ANKRD13A: variants seen among roughly 807,000 people sequenced by gnomAD.
The protein encoded by ANKRD13A is ankyrin repeat domain-containing protein 13A.
A neutral mutation model predicts 81.3 loss-of-function variants in ANKRD13A; 48 were observed. That is an observed-to-expected ratio of 0.59 (90% CI 0.47 to 0.75). The LOEUF (loss-of-function observed/expected upper bound fraction) is 0.75, where lower values mean the gene tolerates loss of function less well. ANKRD13A is among the 30% of genes least tolerant of loss of function. The probability of loss-of-function intolerance (pLI) is 0.00; values close to 1 mark genes in which losing one functional copy is unlikely to be tolerated. For missense variants in ANKRD13A, 612 were observed against 734.0 expected (o/e 0.83, Z 1.92); for synonymous variants, 230 against 270.1 (o/e 0.85, Z 1.45).
intron 10 of ANKRD13A, 97 bp downstream of exon 10, chr12:110,028,739 C>A: frequency 6.6e-7 from 1 of 1,520,372 alleles, no homozygotes; most frequent in Non-Finnish European, 9.0e-7. Context: ...CCCTCCCCAC[C>A]ACCCTTATTT....
rs1892065541 is a variant in ANKRD13A, at chr12:110,036,612, C to T, written c.1577+284C>T. On this transcript the variant is annotated intron_variant, in intron 14 of 14. Coordinates refer to ENST00000261739, the MANE Select transcript of ANKRD13A (RefSeq NM_033121.2). The surrounding 1 kb of genome is among the most constrained non-coding windows in gnomAD (Gnocchi z 4.6). Reference sequence around the variant, plus strand: ...AAAAAAATACAAAAAATTAGCCGGGCATGGTGCCAGGCACCTGTAGTCTCA... The same window carrying T: ...AAAAAAATACAAAAAATTAGCCGGGTATGGTGCCAGGCACCTGTAGTCTCA... Among the ~76,000 whole-genome samples the T allele has an allele frequency of 2.6e-5, 4 of 152,174 alleles. No individual in the cohort carries two copies. The highest frequency in any genetic ancestry group is 5.9e-5 in the Non-Finnish European group (4 of 68,020).
chr12:110,030,127 C>T (rs570414825), intron 11 of ANKRD13A, among the ~76,000 whole-genome samples: 7 of 151,934 alleles, frequency 4.6e-5, no homozygotes, highest in Non-Finnish European at 1.0e-4. Flanking sequence ...CTGGCTTGAT[C>T]ACTTACTCAC....
At position 110,028,712 on chromosome 12, in the gene ANKRD13A, G is replaced by A. The variant is rs996430951; in HGVS notation, c.1076+70G>A. 3.1e-6 allele frequency: 5 copies of A among 1,595,496 alleles called. No homozygotes were observed. The African/African-American group carries it at 4.0e-5, about 13-fold the overall frequency. On this transcript the variant is annotated intron_variant, in intron 10 of 14. Transcript: ENST00000261739. Reference sequence around the variant, plus strand: ...AAATTGTGCTGTTTTATGGTGTTATGTTGGATCATTCCACTGCCCTCCCCA... The same window carrying A: ...AAATTGTGCTGTTTTATGGTGTTATATTGGATCATTCCACTGCCCTCCCCA...
rs1341173943 is a variant in ANKRD13A, at chr12:110,038,105, C to T, written c.*551C>T. ...TATTCTTCCTCCATCTATCTGATTC[C>T]ATTCCTTCCACACCCAGCTAAAGTT... On this transcript the variant is annotated 3_prime_UTR_variant, in exon 15 of 15. Coordinates refer to ENST00000261739, the MANE Select transcript of ANKRD13A (RefSeq NM_033121.2). 6.6e-6 allele frequency: 1 copy of T among 152,638 alleles called. No individual in the cohort carries two copies. Among genetic ancestry groups the T allele is most frequent in the Non-Finnish European group, 1.5e-5 (1 of 68,118 alleles). 9.5% of individuals were successfully genotyped at this position (152,638 alleles called of 1,614,324 possible). A position where few individuals can be genotyped will look rare whatever the true frequency, so the allele number is the denominator to read the frequency against.
chr12:110,019,411 G>A (rs1243183723), intron 6 of ANKRD13A, 83 bp downstream of exon 6: 16 of 1,307,658 alleles, frequency 1.2e-5, no homozygotes, highest in Admixed American at 8.2e-5. Context: ...TGTAAATTAT[G>A]GATGGATTGG....
At chr12:110,031,679 C>T (rs1461157404) in intron 12 of ANKRD13A, among the ~76,000 whole-genome samples, 1 of 152,126 alleles carries the variant, frequency 6.6e-6, no homozygotes, top group East Asian at 1.9e-4. Flanking sequence ...TAACCACCAC[C>T]ATAGTCAAGG....
chr12:110,030,743 A>C lies in ANKRD13A; in HGVS notation c.1333A>C (p.Thr445Pro). 1.9e-6 allele frequency: 3 copies of C among 1,593,396 alleles called. No individual in the cohort carries two copies. In the South Asian group the frequency reaches 3.5e-5, roughly 18 times the overall value. Reference protein sequence around the residue: ...EESVSQNVEGTQADSASHITN... With the variant: ...EESVSQNVEGPQADSASHITN... ...ATCTGTATCTCAAAATGTGGAAGGG[A>C]CCCAGGCTGATTCAGGTAAAAAAAT... Residue 445 changes from threonine (T) to proline (P), a missense_variant, in exon 12 of 15, where the codon ACC becomes CCC. By Grantham distance (38) the Thr-to-Pro change is conservative. Coordinates refer to ENST00000261739, the MANE Select transcript of ANKRD13A (RefSeq NM_033121.2).
At chr12:110,027,665 A>G in intron 8 of ANKRD13A, 40 bp from the exon 9 acceptor site, 3 of 1,585,552 alleles carry the variant, frequency 1.9e-6, no homozygotes, top group Non-Finnish European at 2.6e-6. Flanking sequence ...GCCACAAGTG[A>G]GATATAATAT....
At chr12:110,001,100 T>C (rs1445429297) in intron 1 of ANKRD13A, among the ~76,000 whole-genome samples, 1 of 151,586 alleles carries the variant, frequency 6.6e-6, no homozygotes, top group African/African-American at 2.4e-5. Flanking sequence ...CTGGGAGGTA[T>C]TGGTGCCCTC....
At chr12:110,029,720 G>A (rs770837475) in intron 11 of ANKRD13A, 85 bp downstream of exon 11, 124 of 1,496,556 alleles carry the variant, frequency 8.3e-5, no homozygotes, top group Non-Finnish European at 1.1e-4. Flanking sequence ...ATGCTTCAGG[G>A]AATTGGAGTG....
intron 10 of ANKRD13A, chr12:110,028,868 G>A: frequency 2.4e-6 from 1 of 423,418 alleles, no homozygotes. Flanking sequence ...CTCCTGAGTA[G>A]CTGGGACTAC....
Position 109,999,679 on chromosome 12 carries a change from C to G in ANKRD13A, c.-10C>G, listed in dbSNP as rs1216718802. 2 of 1,529,532 alleles carry G rather than the reference C, an allele frequency of 1.3e-6. No homozygotes were observed. Among genetic ancestry groups the G allele is most frequent in the Non-Finnish European group, 1.8e-6 (2 of 1,137,342 alleles). 94.7% of individuals were successfully genotyped at this position (1,529,532 alleles called of 1,614,324 possible). ...GCGGGCGACGAGGACCAGGTTACGG[C>G]CTCCTCGCCATGTCCTCGGCCTGCG... On this transcript the variant is annotated 5_prime_UTR_variant, in exon 1 of 15. Transcript: ENST00000261739. The surrounding 1 kb of genome is among the most constrained non-coding windows in gnomAD (Gnocchi z 4.3).
intron 7 of ANKRD13A, among the ~76,000 whole-genome samples, chr12:110,024,407 A>AT (rs1891217118): frequency 6.6e-6 from 1 of 151,720 alleles, no homozygotes; most frequent in Non-Finnish European, 1.5e-5. Context: ...TCCCTTAATT[A>AT]TTTAAAAAAA....
chr12:110,008,443 A>G (rs905958644), intron 1 of ANKRD13A, among the ~76,000 whole-genome samples: 4 of 152,202 alleles, frequency 2.6e-5, no homozygotes, highest in African/African-American at 9.7e-5. Context: ...CATAAGAGAT[A>G]TTAGTGTGTG....
At chr12:110,019,538 A>T (rs1246339145) in intron 6 of ANKRD13A, among the ~76,000 whole-genome samples, 1 of 152,136 alleles carries the variant, frequency 6.6e-6, no homozygotes, top group Non-Finnish European at 1.5e-5. Flanking sequence ...GTCTTAGAAG[A>T]CTTAACCAAC....
chr12:110,000,974 C>T (rs1889937717), intron 1 of ANKRD13A, among the ~76,000 whole-genome samples: 1 of 151,748 alleles, frequency 6.6e-6, no homozygotes, highest in African/African-American at 2.4e-5. Flanking sequence ...TCAGGCTGGT[C>T]TCAAACTCCC....
chr12:110,036,446 G>T lies in ANKRD13A; in HGVS notation c.1577+118G>T. The T allele has an allele frequency of 9.0e-7, 1 of 1,115,450 alleles. No individual in the cohort carries two copies. The highest frequency in any genetic ancestry group is 1.4e-6 in the Non-Finnish European group (1 of 734,676). The allele number at this position is 1,115,450 out of a possible 1,614,324, so 69.1% of individuals were successfully genotyped here. A position where few individuals can be genotyped will look rare whatever the true frequency, so the allele number is the denominator to read the frequency against. On this transcript the variant is annotated intron_variant, in intron 14 of 14. Transcript: ENST00000261739. This position sits in a 1 kb window ranked among gnomAD's most constrained non-coding sequence, Gnocchi z 4.6. ...GGCAGATGTACGGTGCCACAAACTG[G>T]CAGGAAAGACTAGAAAAAGTAGGCC...
In ANKRD13A at chr12:110,027,408, A is replaced by G. The variant is rs1891405286; in HGVS notation, c.884-297A>G. 3 of 355,896 alleles carry G rather than the reference A, an allele frequency of 8.4e-6. No individual in the cohort carries two copies. In the South Asian group the frequency reaches 9.1e-5, roughly 11 times the overall value. 22.0% of individuals were successfully genotyped at this position (355,896 alleles called of 1,614,324 possible). ...ATGAGGGAACTGAGGCCCAGAACAC[A>G]TGGGTAGCGAGTGGCCAAGGTGGGG... On this transcript the variant is annotated intron_variant, in intron 8 of 14. Transcript: ENST00000261739.
At chr12:110,028,020 C>A (rs756383898) in intron 9 of ANKRD13A, 10 of 476,160 alleles carry the variant, frequency 2.1e-5, no homozygotes, top group Non-Finnish European at 3.4e-5. Flanking sequence ...AAACGAGGGG[C>A]CTCTTTATAG....
Sources: allele counts gnomAD v4.1 joint callset (sites outside exome capture counted in the v4.1 genomes callset), GRCh38; gene constraint gnomAD v4.1.1; non-coding constraint Gnocchi (gnomAD v3.1); transcripts MANE v1.5; gene names NCBI Gene and HGNC (gene_info 2026-07-23, HGNC 2026-07-21).